Variants in HDAC7 observed in about 807,000 individuals in gnomAD.
HDAC7 encodes histone deacetylase 7A.
A neutral mutation model predicts 115.5 loss-of-function variants in HDAC7; 26 were observed. The ratio of observed to expected loss-of-function variants is 0.23; its 90% CI spans 0.16 to 0.31. HDAC7 has a LOEUF of 0.31. HDAC7 is among the 10% of genes least tolerant of loss of function. The pLI is 1.00. For missense variants in HDAC7, 1,068 were observed against 1,329.0 expected (o/e 0.80, Z 3.05); for synonymous variants, 564 against 550.9 (o/e 1.02, Z -0.33).
chr12:47,794,623 C>T, intron 12 of HDAC7, 137 bp downstream of exon 12: 1 of 820,518 alleles, frequency 1.2e-6, no homozygotes, highest in Admixed American at 3.6e-5. Context: ...ATCCAGCACC[C>T]AGGATCTTAT....
intron 24 of HDAC7, chr12:47,784,804 G>A (rs927435915): frequency 8.2e-5 from 125 of 1,533,736 alleles, no homozygotes; most frequent in African/African-American, 3.0e-4. Context: ...GGCACCCACC[G>A]TAAGAGGAAT....
chr12:47,808,318 G>GC (rs1294648928), intron 1 of HDAC7, among the ~76,000 whole-genome samples: 6 of 151,898 alleles, frequency 4.0e-5, no homozygotes, highest in Non-Finnish European at 7.4e-5. Flanking sequence ...AGCCAGTGTC[G>GC]CCCCCCCACC....
chr12:47,797,103 T>C lies in HDAC7; in HGVS notation c.617A>G (p.Lys206Arg), dbSNP rs1358188466. The change falls in exon 7 of 26, where the codon AAG becomes AGG. Residue 206 changes from lysine to arginine, a missense_variant. Transcript: ENST00000080059. This position sits in a 1 kb window ranked among gnomAD's most constrained non-coding sequence, Gnocchi z 5.5. ...PNLKLRYKPKKSLERRKNPLL... is the reference protein window; with the variant it reads ...PNLKLRYKPKRSLERRKNPLL... ...TGGATTCTTCCTCCGCTCCAGGGAC[T>C]TCTTGGGCTTATAGCGCAGCTTCAG... The C allele has an allele frequency of 9.3e-6, 15 of 1,608,470 alleles. No individual in the cohort carries two copies. Among genetic ancestry groups the C allele is most frequent in the African/African-American group, 4.0e-5 (3 of 74,564 alleles).
intron 1 of HDAC7, among the ~76,000 whole-genome samples, chr12:47,809,247 T>C (rs1944544263): frequency 6.6e-6 from 1 of 151,974 alleles, no homozygotes; most frequent in African/African-American, 2.4e-5. Context: ...TCACCCCAGC[T>C]CCTGGGCCCT....
chr12:47,790,235 G>T (rs1196244123), intron 16 of HDAC7: 3 of 356,116 alleles, frequency 8.4e-6, no homozygotes, highest in Non-Finnish European at 1.6e-5. Flanking sequence ...TGGGCCGGGA[G>T]GGGGTTTTAA....
chr12:47,784,067 G>T lies in HDAC7; in HGVS notation c.2930+12C>A. The T allele has an allele frequency of 6.2e-7, 1 of 1,612,080 alleles. No individual in the cohort carries two copies. Among genetic ancestry groups the T allele is most frequent in the African/African-American group, 1.3e-5 (1 of 74,920 alleles). On this transcript the variant is annotated intron_variant, in intron 25 of 25. Coordinates refer to ENST00000080059, the MANE Select transcript of HDAC7 (RefSeq NM_015401.5). ...AGAGGCTGTGGGCCCAGGGCCAGGG[G>T]TCTGGCATTACCTATCTTCAGCCAG...
Position 47,803,440 on chromosome 12 carries a change from A to G in HDAC7, c.20-1166T>C, listed in dbSNP as rs1944258764. The stretch of plus-strand genomic sequence containing the variant: ...CTGGGGGAGGGGGCAGCCTGGGCAC[A>G]GGGAGACTCCCACCGACTGCCCCTC... On this transcript the variant is annotated intron_variant, in intron 1 of 25. Coordinates refer to ENST00000080059, the MANE Select transcript of HDAC7 (RefSeq NM_015401.5). The surrounding 1 kb of genome is among the most constrained non-coding windows in gnomAD (Gnocchi z 4.0). Among the ~76,000 whole-genome samples, 1 of 152,140 alleles carries G rather than the reference A, an allele frequency of 6.6e-6. No homozygotes were observed.
chr12:47,816,040 C>T (rs1944839962), intron 1 of HDAC7, among the ~76,000 whole-genome samples: 1 of 151,898 alleles, frequency 6.6e-6, no homozygotes, highest in South Asian at 2.1e-4. Flanking sequence ...TACAGGCGCG[C>T]ACGCCACACC....
chr12:47,784,425 A>G, intron 24 of HDAC7: 1 of 622,698 alleles, frequency 1.6e-6, no homozygotes, highest in Non-Finnish European at 2.8e-6. Context: ...AGTGGGTTCA[A>G]CATGGCTGTG....
chr12:47,806,005 G>A (rs1944386272), intron 1 of HDAC7, among the ~76,000 whole-genome samples: 1 of 152,226 alleles, frequency 6.6e-6, no homozygotes, highest in Admixed American at 6.5e-5. Flanking sequence ...AAAATTCAGA[G>A]AGCCCAAAAG....
At position 47,798,854 on chromosome 12, in the gene HDAC7, A is replaced by T; in HGVS notation, c.189T>A (p.Arg63=). The T allele has an allele frequency of 6.4e-7, 1 of 1,559,048 alleles. No individual in the cohort carries two copies. Among genetic ancestry groups the T allele is most frequent in the Non-Finnish European group, 8.7e-7 (1 of 1,151,590 alleles). Reference sequence around the variant, plus strand: ...AGAGGTGGTGGTGCAGGCGCTGGGGACGCTGCAGGGCCAGCAATGTGGGCT... The same window carrying T: ...AGAGGTGGTGGTGCAGGCGCTGGGGTCGCTGCAGGGCCAGCAATGTGGGCT... ...PPEPTLLALQ[R]PQRLHHHLFL... Residue 63 remains arginine, a synonymous_variant, in exon 3 of 26, where the codon CGT becomes CGA. Coordinates refer to ENST00000080059, the MANE Select transcript of HDAC7 (RefSeq NM_015401.5). The surrounding 1 kb of genome is among the most constrained non-coding windows in gnomAD (Gnocchi z 4.3).
At chr12:47,814,607 T>TC (rs1944799597) in intron 1 of HDAC7, among the ~76,000 whole-genome samples, 1 of 152,150 alleles carries the variant, frequency 6.6e-6, no homozygotes, top group South Asian at 2.1e-4. Flanking sequence ...CTTGTGCAGC[T>TC]CCCCCTTCTG....
chr12:47,791,544 G>A (rs1253084507), intron 15 of HDAC7, 42 bp downstream of exon 15: 97 of 1,575,866 alleles, frequency 6.2e-5, no homozygotes, highest in Non-Finnish European at 7.8e-5. Flanking sequence ...GGAGCTGGGT[G>A]AGGTAAGCTG....
chr12:47,789,962 A>G, intron 16 of HDAC7, 42 bp from the exon 17 acceptor site: 1 of 1,468,844 alleles, frequency 6.8e-7, no homozygotes, highest in Non-Finnish European at 9.5e-7. Context: ...CCAAGGCTTC[A>G]CACAGGAGCC....
At chr12:47,811,420 T>C (rs1944659372) in intron 1 of HDAC7, among the ~76,000 whole-genome samples, 1 of 152,184 alleles carries the variant, frequency 6.6e-6, no homozygotes. Flanking sequence ...TCTGGCCAAC[T>C]GGGAATTCCG....
chr12:47,807,338 G>A (rs1944448585), intron 1 of HDAC7, among the ~76,000 whole-genome samples: 2 of 152,132 alleles, frequency 1.3e-5, no homozygotes, highest in Non-Finnish European at 2.9e-5. Flanking sequence ...TATGTGCCAG[G>A]AGTTGTTCTA....
chr12:47,805,075 T>C, intron 1 of HDAC7, among the ~76,000 whole-genome samples: 1 of 138,990 alleles, frequency 7.2e-6, no homozygotes, highest in East Asian at 2.1e-4. Context: ...TTTTCTTAAT[T>C]TTTTTTTTTT....
rs1943333563 is a variant in HDAC7 at position 47,789,110 on chromosome 12, GTGT to G, written c.2235+148_2235+150del. Reference sequence around the variant, plus strand: ...TCTAGGCCTCCCAACTGTGATGTGGGTGTTATCTTCACCCAAATTTTACACAAG... The same window carrying G: ...TCTAGGCCTCCCAACTGTGATGTGGGTATCTTCACCCAAATTTTACACAAG... On this transcript the variant is annotated intron_variant, in intron 19 of 25. Transcript: ENST00000080059. 44 of 685,586 alleles carry G rather than the reference GTGT, an allele frequency of 6.4e-5. No homozygotes were observed. The South Asian group carries it at 7.3e-4, about 11-fold the overall frequency. 42.5% of individuals were successfully genotyped at this position (685,586 alleles called of 1,614,324 possible).
chr12:47,785,726 A>T, intron 23 of HDAC7, 26 bp downstream of exon 23: 2 of 1,594,158 alleles, frequency 1.3e-6, no homozygotes, highest in Non-Finnish European at 1.7e-6. Context: ...TGACAGAAGC[A>T]TGGATGGGGG....
Sources: allele counts gnomAD v4.1 joint callset (sites outside exome capture counted in the v4.1 genomes callset), GRCh38; gene constraint gnomAD v4.1.1; non-coding constraint Gnocchi (gnomAD v3.1); transcripts MANE v1.5; gene names NCBI Gene and HGNC (gene_info 2026-07-23, HGNC 2026-07-21).